The following ARHGEF4 variants were observed in gnomAD, a reference collection of about 807,000 sequenced individuals.
ARHGEF4 encodes the protein Rho guanine nucleotide exchange factor 4, also known as APC-stimulated guanine nucleotide exchange factor 1.
ARHGEF4 carries 119 observed loss-of-function variants against 162.0 expected under a neutral mutation model. The ratio of observed to expected loss-of-function variants is 0.73; its 90% CI spans 0.63 to 0.86. ARHGEF4 has a LOEUF of 0.86. Ranked by LOEUF, ARHGEF4 falls within the 40% of genes least tolerant of loss-of-function variation. ARHGEF4 has a pLI of 0.00. For missense variants in ARHGEF4, 2,488 were observed against 2,456.0 expected (o/e 1.01, Z -0.28); for synonymous variants, 1,014 against 979.9 (o/e 1.03, Z -0.65).
At chr2:130,857,127 G>A (rs912928501) in intron 1 of ARHGEF4, among the ~76,000 whole-genome samples, 30 of 152,296 alleles carry the variant, frequency 2.0e-4, no homozygotes, top group African/African-American at 6.5e-4. Flanking sequence ...AGCTACTTGG[G>A]AGGCTGAGGC....
At chr2:130,841,956 C>T (rs1197992335) in intron 1 of ARHGEF4, among the ~76,000 whole-genome samples, 1 of 152,226 alleles carries the variant, frequency 6.6e-6, no homozygotes, top group Non-Finnish European at 1.5e-5. Context: ...TGGGTTGATG[C>T]TCTTCCCCCA....
intron 1 of ARHGEF4, among the ~76,000 whole-genome samples, chr2:130,907,255 T>TCAC (rs1680876893): frequency 4.7e-4 from 1 of 2,112 alleles, no homozygotes. Flanking sequence ...CTCTGGAGAC[T>TCAC]GGAGGCTGGA....
intron 2 of ARHGEF4, among the ~76,000 whole-genome samples, chr2:130,922,941 T>TA (rs1559042194): frequency 8.1e-5 from 12 of 148,712 alleles, no homozygotes; most frequent in East Asian, 5.9e-4. Context: ...TATATATATA[T>TA]TTTGTTTGAG....
chr2:130,854,433 C>T (rs1194813544), intron 1 of ARHGEF4, among the ~76,000 whole-genome samples: 7 of 152,196 alleles, frequency 4.6e-5, no homozygotes, highest in Non-Finnish European at 7.4e-5. Flanking sequence ...GCCAAGAAGA[C>T]GGGGCTGTCA....
chr2:130,882,516 G>A (rs1048005955), intron 1 of ARHGEF4, among the ~76,000 whole-genome samples: 3 of 151,870 alleles, frequency 2.0e-5, no homozygotes, highest in Non-Finnish European at 2.9e-5. Context: ...TCATGAGGGC[G>A]ACACCCTCAT....
chr2:130,916,140 C>T lies in ARHGEF4; in HGVS notation c.2194C>T (p.Pro732Ser), dbSNP rs1574222259. The change falls in exon 2 of 14, where the codon CCC (proline) becomes TCC (serine). Residue 732 changes from proline (P) to serine (S), a missense_variant. Transcript: ENST00000409359. The part of the protein sequence containing the change: ...ASEETPSTEE[P>S]PGERLRGESR... ...GGAAGAGACGCCGAGCACAGAGGAGCCCCCGGGAGAGAGACTGCGTGGGGA... is the reference window on the plus strand; with the variant it reads ...GGAAGAGACGCCGAGCACAGAGGAGTCCCCGGGAGAGAGACTGCGTGGGGA... 2.6e-6 allele frequency: 4 copies of T among 1,549,002 alleles called. No homozygotes were observed. The South Asian group carries it at 4.8e-5, about 18-fold the overall frequency.
At chr2:131,012,207 C>T (rs1249607572) in intron 4 of ARHGEF4, among the ~76,000 whole-genome samples, 1 of 151,894 alleles carries the variant, frequency 6.6e-6, no homozygotes, top group Admixed American at 6.6e-5. Flanking sequence ...GCTAGAGACC[C>T]AGGGCAGGAG....
chr2:130,870,053 T>G (rs1678356259), intron 1 of ARHGEF4, among the ~76,000 whole-genome samples: 1 of 152,202 alleles, frequency 6.6e-6, no homozygotes, highest in Non-Finnish European at 1.5e-5. Context: ...CTCAGCGTTT[T>G]GGGGCAGTGT....
In ARHGEF4 at chr2:130,969,629, G is replaced by A. The variant is rs13402505; in HGVS notation, c.3985+22994G>A. Among the ~76,000 whole-genome samples the A allele has an allele frequency of 6.2e-3, 946 of 152,040 alleles. 8 individuals carry two copies. The highest frequency in any genetic ancestry group is 0.021 in the African/African-American group (884 of 41,470). On this transcript the variant is annotated intron_variant, in intron 4 of 13. Coordinates refer to ENST00000409359, the MANE Select transcript of ARHGEF4 (RefSeq NM_001367493.1). ...AAAAAAAATCATATGTCAAACTATC[G>A]TTATGTCAGAGGCCATCTGTATTTA... is the stretch of plus-strand genomic sequence containing the variant.
intron 2 of ARHGEF4, among the ~76,000 whole-genome samples, chr2:130,923,221 C>T (rs868216422): frequency 7.2e-5 from 11 of 152,290 alleles, no homozygotes; most frequent in Middle Eastern, 3.4e-3. Context: ...TGAGCCATCG[C>T]GCCTGGGCAT....
At chr2:130,908,766 A>G (rs1456794247) in intron 1 of ARHGEF4, among the ~76,000 whole-genome samples, 1 of 152,240 alleles carries the variant, frequency 6.6e-6, no homozygotes. Flanking sequence ...AGACTGGAAG[A>G]AACTGTTTGG....
At chr2:130,868,802 G>T (rs562433575) in intron 1 of ARHGEF4, among the ~76,000 whole-genome samples, 1 of 152,332 alleles carries the variant, frequency 6.6e-6, no homozygotes, top group African/African-American at 2.4e-5. Flanking sequence ...GCACTGGGCT[G>T]AAGCCAAGGT....
chr2:130,839,035 C>T (rs977989058), intron 1 of ARHGEF4, among the ~76,000 whole-genome samples: 10 of 152,150 alleles, frequency 6.6e-5, no homozygotes, highest in African/African-American at 2.2e-4. Context: ...CCTGAGACAC[C>T]TGAGGCCTCC....
intron 1 of ARHGEF4, among the ~76,000 whole-genome samples, chr2:130,862,947 G>A (rs1383974580): frequency 1.2e-5 from 1 of 84,738 alleles, no homozygotes; most frequent in Non-Finnish European, 1.9e-5. Flanking sequence ...CTTACAGGCC[G>A]AGTGTGGTGG....
intron 1 of ARHGEF4, among the ~76,000 whole-genome samples, chr2:130,850,889 G>C (rs539670378): frequency 1.3e-5 from 2 of 152,386 alleles, no homozygotes; most frequent in South Asian, 4.1e-4. Context: ...ATGCGCTTCT[G>C]TGGGGCATTG....
At chr2:130,879,927 G>A (rs538279383) in intron 1 of ARHGEF4, among the ~76,000 whole-genome samples, 3 of 152,130 alleles carry the variant, frequency 2.0e-5, no homozygotes, top group Non-Finnish European at 4.4e-5. Flanking sequence ...TACAGATGAC[G>A]TCCTTCCTTT....
chr2:131,035,679 C>T (rs1352395342), intron 5 of ARHGEF4: 6 of 986,586 alleles, frequency 6.1e-6, no homozygotes, highest in African/African-American at 1.7e-5. Flanking sequence ...GCGCATGTTA[C>T]CTGCAGTTGT....
intron 9 of ARHGEF4, 108 bp from the exon 10 acceptor site, chr2:131,041,707 A>G: frequency 4.1e-6 from 6 of 1,465,784 alleles, no homozygotes; most frequent in Non-Finnish European, 3.7e-6. Flanking sequence ...ATGTGGTCAA[A>G]GGGCACAGCC....
At chr2:130,944,665 A>G (rs1410711853) in intron 3 of ARHGEF4, among the ~76,000 whole-genome samples, 1 of 151,768 alleles carries the variant, frequency 6.6e-6, no homozygotes, top group East Asian at 1.9e-4. Context: ...AAAAGTGTTC[A>G]CCCTTACTTC....
Sources: allele counts gnomAD v4.1 joint callset (sites outside exome capture counted in the v4.1 genomes callset), GRCh38; gene constraint gnomAD v4.1.1; transcripts MANE v1.5; gene names NCBI Gene and HGNC (gene_info 2026-07-23, HGNC 2026-07-21).